Variants in ST18 observed in about 807,000 individuals in gnomAD.
ST18 encodes suppression of tumorigenicity 18 protein.
ST18 carries 50 observed loss-of-function variants against 110.0 expected under a neutral mutation model. The observed-to-expected ratio is 0.45, with a 90% CI of 0.36 to 0.58. The LOEUF (loss-of-function observed/expected upper bound fraction) is 0.58, where lower values mean the gene tolerates loss of function less well. ST18 is among the 20% of genes least tolerant of loss of function. The pLI is 0.00. For synonymous variants in ST18, 461 were observed against 452.4 expected (o/e 1.02, Z -0.24); for missense variants, 1,306 against 1,280.1 (o/e 1.02, Z -0.31).
intron 2 of ST18, among the ~76,000 whole-genome samples, chr8:52,338,683 CA>C (rs1183468275): frequency 6.6e-6 from 1 of 152,064 alleles, no homozygotes; most frequent in Non-Finnish European, 1.5e-5. Flanking sequence ...CTTGGCCTCC[CA>C]AAATGCTGGG....
intron 8 of ST18, among the ~76,000 whole-genome samples, chr8:52,207,255 G>A (rs994031108): frequency 3.0e-4 from 46 of 152,328 alleles, no homozygotes; most frequent in African/African-American, 9.6e-4. Context: ...GGAGGCCAAG[G>A]CAAGAAGATT....
chr8:52,339,711 G>C (rs1007667113), intron 2 of ST18, among the ~76,000 whole-genome samples: 7 of 152,256 alleles, frequency 4.6e-5, no homozygotes, highest in Non-Finnish European at 1.0e-4. Flanking sequence ...GCCAGCCCAA[G>C]GCCACTCCTC....
chr8:52,159,684 A>T (rs17291102), intron 14 of ST18, among the ~76,000 whole-genome samples: 22,439 of 152,170 alleles, frequency 0.15, 1,879 homozygotes, highest in South Asian at 0.2. Flanking sequence ...TAGATGGTGG[A>T]GTCTTTAATG....
intron 19 of ST18, among the ~76,000 whole-genome samples, chr8:52,136,360 TA>T (rs1186428946): frequency 2.6e-5 from 4 of 152,192 alleles, no homozygotes; most frequent in Non-Finnish European, 5.9e-5. Context: ...ATCACACTTT[TA>T]AAAATTATTA....
chr8:52,123,101 G>A (rs1458180770), intron 23 of ST18, among the ~76,000 whole-genome samples: 5 of 152,014 alleles, frequency 3.3e-5, no homozygotes, highest in Non-Finnish European at 7.4e-5. Context: ...GACTAGTAAA[G>A]GTCTTTAAAA....
intron 2 of ST18, among the ~76,000 whole-genome samples, chr8:52,308,860 T>C (rs1589787631): frequency 6.6e-6 from 1 of 152,100 alleles, no homozygotes; most frequent in South Asian, 2.1e-4. Flanking sequence ...GGGACTGGGG[T>C]AGTTGTCTAA....
intron 3 of ST18, among the ~76,000 whole-genome samples, chr8:52,226,513 C>A (rs2089471570): frequency 6.6e-6 from 1 of 152,130 alleles, no homozygotes. Flanking sequence ...TATTAAGTTT[C>A]CTCTTTTAAA....
chr8:52,298,529 C>A (rs913596036), intron 2 of ST18, among the ~76,000 whole-genome samples: 2 of 152,072 alleles, frequency 1.3e-5, no homozygotes, highest in African/African-American at 4.8e-5. Flanking sequence ...ATTACAGATA[C>A]CTCACATTTA....
rs577224093 is a variant in ST18 at position 52,272,181 on chromosome 8, C to A, written c.-464-42104G>T. On this transcript the variant is annotated intron_variant, in intron 2 of 25. Transcript: ENST00000689386. ...ATGGGCATAACACCAAAAGTACAGG[C>A]AACAAAAAACAAAAATAAACAAATG... Among the ~76,000 whole-genome samples, 30 of 151,978 alleles carry A rather than the reference C, an allele frequency of 2.0e-4. 1 individual carries two copies. In the East Asian group the frequency reaches 5.4e-3, roughly 27 times the overall value.
chr8:52,406,554 A>C (rs919418472), intron 2 of ST18: 1 of 152,212 alleles, frequency 6.6e-6, no homozygotes, highest in African/African-American at 2.4e-5. Flanking sequence ...CAGAACCCCG[A>C]ACACATGATG....
intron 2 of ST18, among the ~76,000 whole-genome samples, chr8:52,357,804 T>C (rs1421028766): frequency 1.4e-5 from 2 of 146,844 alleles, no homozygotes; most frequent in Non-Finnish European, 3.0e-5. Context: ...TGTTAATGAA[T>C]AGATCCATAA....
chr8:52,385,516 C>T (rs1173923436), intron 2 of ST18, among the ~76,000 whole-genome samples: 1 of 151,412 alleles, frequency 6.6e-6, no homozygotes, highest in African/African-American at 2.4e-5. Flanking sequence ...AGGAGAATCG[C>T]TTGAACCCGG....
intron 2 of ST18, among the ~76,000 whole-genome samples, chr8:52,335,477 C>T (rs1811600117): frequency 6.6e-6 from 1 of 152,144 alleles, no homozygotes; most frequent in Non-Finnish European, 1.5e-5. Context: ...GAATATTTTG[C>T]ATATACATAA....
intron 2 of ST18, among the ~76,000 whole-genome samples, chr8:52,350,787 C>T (rs1460017575): frequency 1.3e-5 from 2 of 151,506 alleles, no homozygotes; most frequent in Non-Finnish European, 2.9e-5. Flanking sequence ...GTGGCCCAAT[C>T]TTGGCTCACT....
At chr8:52,180,444 T>C (rs2068943600) in intron 8 of ST18, 132 bp from the exon 9 acceptor site, 1 of 873,452 alleles carries the variant, frequency 1.1e-6, no homozygotes, top group Non-Finnish European at 1.8e-6. Flanking sequence ...TTACTGGCAC[T>C]AACAAAAACA....
At chr8:52,289,966 A>G (rs956072239) in intron 2 of ST18, among the ~76,000 whole-genome samples, 9 of 152,028 alleles carry the variant, frequency 5.9e-5, no homozygotes, top group Non-Finnish European at 8.8e-5. Context: ...CAGAGAAGTA[A>G]AGTGACTGGC....
intron 2 of ST18, chr8:52,248,466 A>G (rs2138120601): frequency 6.6e-6 from 1 of 152,338 alleles, no homozygotes; most frequent in East Asian, 1.9e-4. Context: ...TGAGAATAAA[A>G]TATTTAATTT....
At chr8:52,233,909 G>A (rs1347567870) in intron 2 of ST18, among the ~76,000 whole-genome samples, 1 of 152,074 alleles carries the variant, frequency 6.6e-6, no homozygotes. Context: ...ATTGAATCAA[G>A]CTAATTTGTA....
At chr8:52,129,777 G>A (rs952538864) in intron 22 of ST18, among the ~76,000 whole-genome samples, 1 of 152,104 alleles carries the variant, frequency 6.6e-6, no homozygotes, top group Non-Finnish European at 1.5e-5. Flanking sequence ...GGGTGTGGTG[G>A]CCCATGCCTG....
Sources: allele counts gnomAD v4.1 joint callset (sites outside exome capture counted in the v4.1 genomes callset), GRCh38; gene constraint gnomAD v4.1.1; transcripts MANE v1.5; gene names NCBI Gene and HGNC (gene_info 2026-07-23, HGNC 2026-07-21).